Variants in BCAS3 observed in about 807,000 individuals in gnomAD.
The protein encoded by BCAS3 is BCAS4/BCAS3 fusion.
A neutral mutation model predicts 116.1 loss-of-function variants in BCAS3; 53 were observed. The ratio of observed to expected loss-of-function variants is 0.46; its 90% CI spans 0.37 to 0.57. The LOEUF is 0.57. Ranked by LOEUF, BCAS3 falls within the 20% of genes least tolerant of loss-of-function variation. BCAS3 has a pLI of 0.00. For synonymous variants in BCAS3, 391 were observed against 408.2 expected (o/e 0.96, Z 0.51); for missense variants, 917 against 1,165.4 (o/e 0.79, Z 3.10).
At chr17:60,865,930 G>A (rs1348131895) in intron 7 of BCAS3, among the ~76,000 whole-genome samples, 2 of 152,042 alleles carry the variant, frequency 1.3e-5, no homozygotes, top group Admixed American at 6.6e-5. Flanking sequence ...GGTTTGTTGA[G>A]TGTTTTTCTC....
intron 19 of BCAS3, among the ~76,000 whole-genome samples, chr17:61,042,747 G>A (rs906793598): frequency 3.3e-5 from 5 of 150,848 alleles, no homozygotes; most frequent in Admixed American, 1.3e-4. Context: ...AAAATTAGCC[G>A]GGTGTGGTGG....
chr17:60,727,448 C>T, intron 5 of BCAS3: 2 of 1,575,258 alleles, frequency 1.3e-6, no homozygotes, highest in African/African-American at 1.4e-5. Context: ...ACACTTCTTA[C>T]AGAAGGTTCT....
rs1006282214 is a variant in BCAS3 at position 61,349,306 on chromosome 17, T to C, written c.2426-19021T>C. 6.6e-6 allele frequency among the ~76,000 whole-genome samples: 1 copy of C among 152,090 alleles called. No individual in the cohort carries two copies. The highest frequency in any genetic ancestry group is 1.5e-5 in the Non-Finnish European group (1 of 67,996). On this transcript the variant is annotated intron_variant, in intron 22 of 23. Transcript: ENST00000407086. This position sits in a 1 kb window ranked among gnomAD's most constrained non-coding sequence, Gnocchi z 4.7. ...CCCACTCTCCCACCCTACACCCTAA[T>C]ACCCTCCAACCTAAAGTTCTTGAGA... is the stretch of plus-strand genomic sequence containing the variant.
At chr17:60,821,084 T>C (rs1446129627) in intron 7 of BCAS3, among the ~76,000 whole-genome samples, 9 of 152,060 alleles carry the variant, frequency 5.9e-5, no homozygotes, top group Non-Finnish European at 1.2e-4. Flanking sequence ...GTAGCTGGGA[T>C]TACAGGTGCT....
chr17:61,059,184 A>G (rs1011445353), intron 19 of BCAS3, among the ~76,000 whole-genome samples: 1 of 140,902 alleles, frequency 7.1e-6, no homozygotes, highest in African/African-American at 2.7e-5. Flanking sequence ...CTGGGTTCAC[A>G]CCATTCTCCT....
chr17:60,951,352 C>G (rs1003490236), intron 14 of BCAS3, among the ~76,000 whole-genome samples: 1 of 151,956 alleles, frequency 6.6e-6, no homozygotes, highest in Non-Finnish European at 1.5e-5. Flanking sequence ...TTGTTTTGCC[C>G]TATTTCTTGC....
chr17:61,157,243 C>T (rs187865370), intron 22 of BCAS3, among the ~76,000 whole-genome samples: 47 of 152,260 alleles, frequency 3.1e-4, no homozygotes, highest in Non-Finnish European at 5.1e-4. Flanking sequence ...TCCCTTGAGA[C>T]TCCAAAGATA....
chr17:61,296,972 A>C (rs1425199211), intron 22 of BCAS3, among the ~76,000 whole-genome samples: 1 of 152,220 alleles, frequency 6.6e-6, no homozygotes, highest in Non-Finnish European at 1.5e-5. Flanking sequence ...AAACAAGGTA[A>C]TATGATCAAC....
chr17:60,764,304 A>G (rs903155855), intron 6 of BCAS3, among the ~76,000 whole-genome samples: 10 of 151,946 alleles, frequency 6.6e-5, no homozygotes, highest in Non-Finnish European at 1.0e-4. Flanking sequence ...TCAGTTTTAG[A>G]TCTTTCCTCC....
rs1023651114 is a variant in BCAS3, at chr17:60,811,131, C to T, written c.476+3055C>T. 3 of 630,878 alleles carry T rather than the reference C, an allele frequency of 4.8e-6. No homozygotes were observed. In the African/African-American group the frequency reaches 5.5e-5, roughly 11 times the overall value. The allele number at this position is 630,878 out of a possible 1,614,324, so 39.1% of individuals were successfully genotyped here. ...GAAATCTGAAGGCCAGCTTGCAGAA[C>T]AGCCTGAGGGAGGTGGAGGCCCACT... On this transcript the variant is annotated intron_variant, in intron 7 of 23. Transcript: ENST00000407086.
chr17:61,340,981 G>C (rs1233642276), intron 22 of BCAS3, among the ~76,000 whole-genome samples: 1 of 152,202 alleles, frequency 6.6e-6, no homozygotes, highest in Non-Finnish European at 1.5e-5. Context: ...GAGTGGCAGA[G>C]GGGATGGAGA....
chr17:60,902,399 C>T (rs1008397685), intron 10 of BCAS3, among the ~76,000 whole-genome samples: 1 of 152,090 alleles, frequency 6.6e-6, no homozygotes, highest in Non-Finnish European at 1.5e-5. Context: ...TAATGAAAAC[C>T]GTAGTTGAGC....
At chr17:61,232,200 G>GAAAAAAAAAAAAAAAAAA in intron 22 of BCAS3, among the ~76,000 whole-genome samples, 1 of 72,480 alleles carries the variant, frequency 1.4e-5, no homozygotes, top group South Asian at 6.2e-4. Flanking sequence ...GAAAGACTCC[G>GAAAAAAAAAAAAAAAAAA]AAAAAAAAAA....
intron 22 of BCAS3, among the ~76,000 whole-genome samples, chr17:61,221,607 A>T (rs1459809957): frequency 1.3e-5 from 2 of 152,026 alleles, no homozygotes; most frequent in African/African-American, 2.4e-5. Flanking sequence ...TTTCCCCTTC[A>T]CTTTCTTAGA....
chr17:60,703,916 C>CAAAAAAAAAAAAA (rs539490885), intron 4 of BCAS3, among the ~76,000 whole-genome samples: 3 of 71,470 alleles, frequency 4.2e-5, no homozygotes, highest in African/African-American at 1.3e-4. Context: ...GACACCGTCT[C>CAAAAAAAAAAAAA]AAAAAAAAAA....
At chr17:60,972,444 CTTTTTT>C (rs150860541) in intron 14 of BCAS3, among the ~76,000 whole-genome samples, 1 of 114,122 alleles carries the variant, frequency 8.8e-6, no homozygotes, top group African/African-American at 3.8e-5. Flanking sequence ...CTCACTTGGC[CTTTTTT>C]TTTTTTTTTT....
chr17:61,042,891 C>CAAAAAAAAAAAA (rs35629825), intron 19 of BCAS3, among the ~76,000 whole-genome samples: 43 of 58,228 alleles, frequency 7.4e-4, no homozygotes, highest in Non-Finnish European at 8.1e-4. Flanking sequence ...CTCCATCTCA[C>CAAAAAAAAAAAA]AAAAAAAAAA....
rs557699345 is a variant in BCAS3, at chr17:61,084,068, A to C, written c.2328-399A>C. Reference sequence around the variant, plus strand: ...CCTTTTATGGAACACATTAATAGCTATGGTGATATTAGTGAATTTCAGGAT... The same window carrying C: ...CCTTTTATGGAACACATTAATAGCTCTGGTGATATTAGTGAATTTCAGGAT... On this transcript the variant is annotated intron_variant, in intron 21 of 23. Transcript: ENST00000407086. The surrounding 1 kb of genome is among the most constrained non-coding windows in gnomAD (Gnocchi z 5.5). Among the ~76,000 whole-genome samples, 2 of 152,298 alleles carry C rather than the reference A, an allele frequency of 1.3e-5. No individual in the cohort carries two copies. The highest frequency in any genetic ancestry group is 3.9e-4 in the East Asian group (2 of 5,186).
chr17:61,159,327 G>A (rs561976063), intron 22 of BCAS3: 1 of 127,930 alleles, frequency 7.8e-6, no homozygotes, highest in African/African-American at 2.5e-5. Context: ...TTAACTATCA[G>A]TAAAAGTAAA....
Sources: gnomAD v4.1 joint callset for allele counts (sites outside exome capture counted in the v4.1 genomes callset) on GRCh38, gnomAD v4.1.1 for gene constraint, Gnocchi (gnomAD v3.1) non-coding constraint, MANE v1.5 for transcripts, NCBI Gene and HGNC (gene_info 2026-07-23, HGNC 2026-07-21) for gene names.